The following STARD13 variants were observed in gnomAD, a reference collection of about 807,000 sequenced individuals.
The protein encoded by STARD13 is StAR related lipid transfer domain containing 13, also known as stAR-related lipid transfer protein 13.
STARD13 carries 62 observed loss-of-function variants against 106.4 expected under a neutral mutation model. That is an observed-to-expected ratio of 0.58 (90% CI 0.48 to 0.72). STARD13 has a LOEUF of 0.72. Ranked by LOEUF, STARD13 falls within the 30% of genes least tolerant of loss-of-function variation. STARD13 has a pLI of 0.00. For missense variants in STARD13, 1,387 were observed against 1,424.0 expected (o/e 0.97, Z 0.42); for synonymous variants, 565 against 553.0 (o/e 1.02, Z -0.31).
At chr13:33,594,946 A>G in the STARD13 span, among the ~76,000 whole-genome samples, 3 of 152,172 alleles carry the variant, frequency 2.0e-5, no homozygotes, top group East Asian at 1.9e-4. Flanking sequence ...CCATTTGGCT[A>G]TTGTGAATAA....
At chr13:33,537,754 G>C in the STARD13 span, among the ~76,000 whole-genome samples, 1 of 152,140 alleles carries the variant, frequency 6.6e-6, no homozygotes, top group Non-Finnish European at 1.5e-5. Flanking sequence ...TGCCTGACTA[G>C]AACATATGCT....
intron 1 of STARD13, among the ~76,000 whole-genome samples, chr13:33,266,246 C>T (rs1423609784): frequency 2.0e-5 from 3 of 152,210 alleles, no homozygotes; most frequent in Non-Finnish European, 4.4e-5. Flanking sequence ...AAAATGGGAA[C>T]ATCAATGGTA....
the STARD13 span, among the ~76,000 whole-genome samples, chr13:33,651,741 G>C: frequency 7.8e-3 from 1,194 of 152,252 alleles, 17 homozygotes; most frequent in African/African-American, 0.028. Flanking sequence ...TGTGACTACT[G>C]TGCCTAATAG....
intron 1 of STARD13, among the ~76,000 whole-genome samples, chr13:33,292,981 C>G (rs776957440): frequency 2.0e-5 from 3 of 152,154 alleles, no homozygotes; most frequent in African/African-American, 7.2e-5. Flanking sequence ...CGTTAGCCTC[C>G]TCCACGTTGC....
the STARD13 span, among the ~76,000 whole-genome samples, chr13:33,502,318 T>A: frequency 6.6e-6 from 1 of 152,330 alleles, no homozygotes; most frequent in South Asian, 2.1e-4. Context: ...TATACAATCA[T>A]GTCAGCTGCA....
chr13:33,653,890 A>T, the STARD13 span, among the ~76,000 whole-genome samples: 64 of 152,364 alleles, frequency 4.2e-4, no homozygotes, highest in African/African-American at 1.5e-3. Context: ...ACATCTTCCT[A>T]AATAACATAT....
At chr13:33,234,475 C>T (rs547921370) in intron 1 of STARD13, among the ~76,000 whole-genome samples, 7 of 152,284 alleles carry the variant, frequency 4.6e-5, no homozygotes, top group East Asian at 1.9e-4. Flanking sequence ...TGCACAAGGC[C>T]GCAACTGGCC....
At chr13:33,259,723 C>G (rs1363912806) in intron 1 of STARD13, among the ~76,000 whole-genome samples, 1 of 152,120 alleles carries the variant, frequency 6.6e-6, no homozygotes, top group East Asian at 1.9e-4. Flanking sequence ...CAAATTTAAC[C>G]TGAACTGAAA....
chr13:33,259,154 G>A (rs995448666), intron 1 of STARD13, among the ~76,000 whole-genome samples: 1 of 152,194 alleles, frequency 6.6e-6, no homozygotes, highest in Non-Finnish European at 1.5e-5. Flanking sequence ...AGCTCCTGGA[G>A]GGTGGGGCCC....
At chr13:33,350,522 G>T in exon 1 of STARD13, 7 of 1,451,300 alleles carry the variant, frequency 4.8e-6, no homozygotes, top group Non-Finnish European at 6.4e-6. Flanking sequence ...CTCCCGCCGG[G>T]GTCCCGGGAC....
intron 4 of STARD13, among the ~76,000 whole-genome samples, chr13:33,138,236 C>A (rs745428118): frequency 1.2e-4 from 18 of 152,218 alleles, no homozygotes; most frequent in Non-Finnish European, 1.9e-4. Context: ...CAGTCTCTGG[C>A]TTTTACTTTG....
the STARD13 span, among the ~76,000 whole-genome samples, chr13:33,384,195 G>A: frequency 1.3e-5 from 2 of 152,344 alleles, no homozygotes; most frequent in South Asian, 4.1e-4. Context: ...AAGGAACAGT[G>A]ACATTGCTTT....
chr13:33,364,095 TA>T, the STARD13 span, among the ~76,000 whole-genome samples: 2 of 152,164 alleles, frequency 1.3e-5, no homozygotes, highest in African/African-American at 4.8e-5. Flanking sequence ...CTGATTAATT[TA>T]AAACATTACT....
chr13:33,641,200 T>C, the STARD13 span, among the ~76,000 whole-genome samples: 5 of 152,334 alleles, frequency 3.3e-5, no homozygotes, highest in Admixed American at 2.0e-4. Context: ...AGGGTTCTTA[T>C]GGCCTACAGT....
At chr13:33,251,611 G>T (rs1373942519) in intron 1 of STARD13, among the ~76,000 whole-genome samples, 1 of 152,210 alleles carries the variant, frequency 6.6e-6, no homozygotes, top group Non-Finnish European at 1.5e-5. Context: ...GAGGCTGGTA[G>T]ACTCTTAGTA....
chr13:33,230,571 A>G (rs1888866220), intron 1 of STARD13, among the ~76,000 whole-genome samples: 1 of 152,200 alleles, frequency 6.6e-6, no homozygotes, highest in African/African-American at 2.4e-5. Context: ...AGCTATATCC[A>G]CTTTTTTTCA....
Position 33,331,731 on chromosome 13 carries a change from T to A in STARD13, c.124+18559A>T, listed in dbSNP as rs938781582. On this transcript the variant is annotated intron_variant, in intron 1 of 5. Coordinates refer to the STARD13 transcript ENST00000567873. ...TTGAGTGTTAGTTAAAATTAGGGTCTTTTTCATCTTTTTTCTCAGTGCAGA... is the reference window on the plus strand; with the variant it reads ...TTGAGTGTTAGTTAAAATTAGGGTCATTTTCATCTTTTTTCTCAGTGCAGA... Among the ~76,000 whole-genome samples the A allele has an allele frequency of 2.6e-5, 4 of 152,160 alleles. No homozygotes were observed. The South Asian group carries it at 8.3e-4, about 32-fold the overall frequency.
chr13:33,410,887 G>A, the STARD13 span, among the ~76,000 whole-genome samples: 1 of 152,280 alleles, frequency 6.6e-6, no homozygotes, highest in East Asian at 1.9e-4. Context: ...CTAGTCATCA[G>A]CCAAAGGAAG....
At chr13:33,586,120 A>T in the STARD13 span, among the ~76,000 whole-genome samples, 1 of 152,364 alleles carries the variant, frequency 6.6e-6, no homozygotes, top group South Asian at 2.1e-4. Flanking sequence ...ATAAAAATTT[A>T]AAAATCAAAT....
Sources: allele counts gnomAD v4.1 joint callset (sites outside exome capture counted in the v4.1 genomes callset), GRCh38; gene constraint gnomAD v4.1.1; transcripts MANE v1.5; gene names NCBI Gene and HGNC (gene_info 2026-07-23, HGNC 2026-07-21).